CCDC9: variants seen among roughly 807,000 people sequenced by gnomAD.
CCDC9 encodes the protein coiled-coil domain-containing protein 9.
Under a neutral mutation model 65.6 loss-of-function variants are expected in CCDC9, and 52 were observed. The observed-to-expected ratio is 0.79, with a 90% CI of 0.63 to 1.00. CCDC9 has a LOEUF of 1.00. CCDC9 is among the 50% of genes least tolerant of loss of function. The pLI is 0.00. For missense variants in CCDC9, 834 were observed against 757.2 expected (o/e 1.10, Z -1.19); for synonymous variants, 332 against 280.3 (o/e 1.18, Z -1.84).
At chr19:47,275,139 C>T (rs1182643063), downstream of CCDC9, 5 of 1,488,708 alleles carry the variant, frequency 3.4e-6, no homozygotes, top group South Asian at 2.5e-5. Flanking sequence ...CGCGCCGTCC[C>T]CTCCGTGTGC....
downstream of CCDC9, among the ~76,000 whole-genome samples, chr19:47,272,312 T>C (rs985163421): frequency 8.3e-5 from 9 of 108,100 alleles, no homozygotes; most frequent in African/African-American, 3.3e-4. Flanking sequence ...CGGATAGGGA[T>C]GGGGGGCTGG....
chr19:47,270,358 T>G, intron 8 of CCDC9, 49 bp from the exon 9 acceptor site: 2 of 1,589,320 alleles, frequency 1.3e-6, no homozygotes, highest in Non-Finnish European at 1.7e-6. Flanking sequence ...TTGATCCTCT[T>G]GTTACCCTGT....
At chr19:47,261,579 G>A (rs113429188) in intron 5 of CCDC9, among the ~76,000 whole-genome samples, 27 of 152,106 alleles carry the variant, frequency 1.8e-4, no homozygotes, top group African/African-American at 6.3e-4. Flanking sequence ...GGACGTGGTG[G>A]TGGGCACCTG....
intron 7 of CCDC9, among the ~76,000 whole-genome samples, chr19:47,265,710 T>C (rs947274932): frequency 2.7e-5 from 4 of 150,746 alleles, no homozygotes; most frequent in African/African-American, 9.7e-5. Context: ...TTTTTTGAGA[T>C]GGAGTCTTGC....
chr19:47,267,739 C>T (rs1337428593), intron 8 of CCDC9, among the ~76,000 whole-genome samples: 3 of 152,178 alleles, frequency 2.0e-5, no homozygotes, highest in Non-Finnish European at 4.4e-5. Flanking sequence ...GCAGGGAGGG[C>T]ATGAAGGCTG....
rs766677996 is a variant in CCDC9 at position 47,270,442 on chromosome 19, C to A, written c.938C>A (p.Ser313Tyr). The change falls in exon 9 of 12, where the codon TCC (serine) becomes TAC (tyrosine). Residue 313 changes from serine to tyrosine, a missense_variant. Coordinates refer to ENST00000221922, the MANE Select transcript of CCDC9 (RefSeq NM_015603.3). ...GGCCCAGTCCCTGCCCATGAACCAT[C>A]CCACCGCTATGGTGAGTGGGTGCCC... Reference protein sequence around the residue: ...KDGPVPAHEPSHRYDDQAWAR... With the variant: ...KDGPVPAHEPYHRYDDQAWAR... The A allele has an allele frequency of 1.2e-6, 2 of 1,614,192 alleles. No homozygotes were observed. Among genetic ancestry groups the A allele is most frequent in the South Asian group, 1.1e-5 (1 of 91,090 alleles).
At chr19:47,259,020 G>A (rs1443881864) in intron 3 of CCDC9, among the ~76,000 whole-genome samples, 1 of 152,216 alleles carries the variant, frequency 6.6e-6, no homozygotes, top group East Asian at 1.9e-4. Context: ...TCAGGGGTCT[G>A]TGGGAGTCCA....
intron 8 of CCDC9, among the ~76,000 whole-genome samples, chr19:47,268,748 T>C (rs528906624): frequency 6.6e-6 from 1 of 151,512 alleles, no homozygotes; most frequent in Admixed American, 6.6e-5. Flanking sequence ...AAACCCCGTC[T>C]CTACTAAAAA....
At chr19:47,258,756 C>G in intron 3 of CCDC9, 93 bp downstream of exon 3, 2 of 895,656 alleles carry the variant, frequency 2.2e-6, no homozygotes, top group South Asian at 2.7e-5. Context: ...TTTCATGGCT[C>G]CCCATCACTG....
At chr19:47,261,063 T>C (rs60099324) in intron 5 of CCDC9, among the ~76,000 whole-genome samples, 65,928 of 151,492 alleles carry the variant, frequency 0.44, 14,968 homozygotes, top group East Asian at 0.67. Context: ...CTAGAGCTCG[T>C]GTGTTTTTCC....
downstream of CCDC9, among the ~76,000 whole-genome samples, chr19:47,272,867 G>A (rs1224058201): frequency 1.3e-5 from 2 of 152,176 alleles, no homozygotes; most frequent in African/African-American, 2.4e-5. Flanking sequence ...CACTCCGTAG[G>A]AGTAAGATTT....
chr19:47,261,711 CAA>C (rs758107358), intron 5 of CCDC9, among the ~76,000 whole-genome samples: 13 of 50,146 alleles, frequency 2.6e-4, no homozygotes, highest in African/African-American at 7.3e-4. Context: ...GACTCTGTAT[CAA>C]AAAAAAAAAA....
rs765151613 is a variant in CCDC9 at position 47,266,598 on chromosome 19, G to T, written c.721-13G>T. 25 of 1,512,326 alleles carry T rather than the reference G, an allele frequency of 1.7e-5. No individual in the cohort carries two copies. The Middle Eastern group carries it at 7.9e-4, about 48-fold the overall frequency. The allele number at this position is 1,512,326 out of a possible 1,614,324, so 93.7% of individuals were successfully genotyped here. On this transcript the variant is annotated splice_polypyrimidine_tract_variant and intron_variant, in intron 7 of 11. Coordinates refer to ENST00000221922, the MANE Select transcript of CCDC9 (RefSeq NM_015603.3). ...CGGGACATCACCCTGACTCCCTGTG[G>T]GCTGGGGGGCAGGGCCGCCGAGCTG...
downstream of CCDC9, chr19:47,275,518 T>A: frequency 1.1e-6 from 1 of 923,628 alleles, no homozygotes; most frequent in South Asian, 1.8e-5. Flanking sequence ...CTCGGGGCCT[T>A]GCCTCTTGCA....
In CCDC9 at chr19:47,258,581, C is replaced by T. The variant is rs755066857; in HGVS notation, c.26C>T (p.Ser9Leu). MAATLDLKSKEEKDAELDK... is the reference protein window; with the variant it reads MAATLDLKLKEEKDAELDK... The stretch of plus-strand genomic sequence containing the variant: ...CAGGCAGCCACACTCGATTTGAAAT[C>T]AAAGGAGGAGAAGGATGCTGAGTTG... Residue 9 changes from serine to leucine, a missense_variant, in exon 3 of 12, where the codon TCA becomes TTA. Coordinates refer to ENST00000221922, the MANE Select transcript of CCDC9 (RefSeq NM_015603.3). The T allele has an allele frequency of 6.2e-7, 1 of 1,614,038 alleles. No homozygotes were observed. The highest frequency in any genetic ancestry group is 8.5e-7 in the Non-Finnish European group (1 of 1,179,962).
Position 47,258,545 on chromosome 19 carries a change from C to A in CCDC9, c.4-14C>A. On this transcript the variant is annotated splice_polypyrimidine_tract_variant and intron_variant, in intron 2 of 11. Transcript: ENST00000221922. ...GGTTTTTCCTTCCATCCCTCAACTG[C>A]CTCCCGGTCTCAGGCAGCCACACTC... The A allele has an allele frequency of 6.2e-7, 1 of 1,611,544 alleles. No homozygotes were observed. Among genetic ancestry groups the A allele is most frequent in the Non-Finnish European group, 8.5e-7 (1 of 1,177,638 alleles).
chr19:47,265,463 T>C (rs1326145704), intron 7 of CCDC9, among the ~76,000 whole-genome samples: 1 of 152,022 alleles, frequency 6.6e-6, no homozygotes, highest in East Asian at 1.9e-4. Context: ...ACATGGCAGG[T>C]GCTGTGTGAG....
intron 6 of CCDC9, 36 bp downstream of exon 6, chr19:47,264,722 C>G (rs771710800): frequency 6.2e-7 from 1 of 1,602,034 alleles, no homozygotes; most frequent in Non-Finnish European, 8.5e-7. Context: ...CAGGGCCGAG[C>G]TGCCTGGGCT....
At chr19:47,272,462 T>A (rs1172157145), downstream of CCDC9, among the ~76,000 whole-genome samples, 1 of 152,034 alleles carries the variant, frequency 6.6e-6, no homozygotes, top group Non-Finnish European at 1.5e-5. Flanking sequence ...AAGCACTGGT[T>A]TAAGAGTAAT....
Sources: allele counts gnomAD v4.1 joint callset (sites outside exome capture counted in the v4.1 genomes callset), GRCh38; gene constraint gnomAD v4.1.1; transcripts MANE v1.5; gene names NCBI Gene and HGNC (gene_info 2026-07-23, HGNC 2026-07-21).